The following C1GALT1 variants were observed in gnomAD, a reference collection of about 807,000 sequenced individuals.
The protein encoded by C1GALT1 is glycoprotein-N-acetylgalactosamine 3-beta-galactosyltransferase 1.
In C1GALT1, 11 loss-of-function variants were observed where a neutral mutation model predicts 31.0. That is an observed-to-expected ratio of 0.36 (90% CI 0.22 to 0.59). The LOEUF (loss-of-function observed/expected upper bound fraction) is 0.59, where lower values mean the gene tolerates loss of function less well. Among genes scored for constraint, C1GALT1 ranks in the 20% least tolerant of loss-of-function variants. The pLI, the probability that C1GALT1 is intolerant of heterozygous loss-of-function variation, is 0.79. For missense variants in C1GALT1, 424 were observed against 425.2 expected, an observed-to-expected ratio of 1.00 and a Z score of 0.03; for synonymous variants, 175 against 143.6, an observed-to-expected ratio of 1.22 and a Z score of -1.56.
rs1021990489 is a variant in C1GALT1, at chr7:7,230,283, A to G, written c.-17-4020A>G. ...TTACTGAAATAAATGTTAATACAGAAAAGTATGTAAAATCATAAATGTAGA... is the reference window on the plus strand; with the variant it reads ...TTACTGAAATAAATGTTAATACAGAGAAGTATGTAAAATCATAAATGTAGA... On this transcript the variant is annotated intron_variant, in intron 1 of 3. Coordinates refer to ENST00000436587, the MANE Select transcript of C1GALT1 (RefSeq NM_020156.5). Among the ~76,000 whole-genome samples, 4 of 152,222 alleles carry G rather than the reference A, an allele frequency of 2.6e-5. No homozygotes were observed. In the South Asian group the frequency reaches 8.3e-4, roughly 31 times the overall value.
At chr7:7,194,698 T>G (rs1252131707) in intron 1 of C1GALT1, among the ~76,000 whole-genome samples, 2 of 152,128 alleles carry the variant, frequency 1.3e-5, no homozygotes, top group African/African-American at 2.4e-5. Context: ...TAGAATGAAT[T>G]AGGGAGGGTT....
chr7:7,163,204 G>C (rs1259705636), intron 2 of C1GALT1, among the ~76,000 whole-genome samples: 1 of 152,192 alleles, frequency 6.6e-6, no homozygotes, highest in Non-Finnish European at 1.5e-5. Context: ...CCTATGTCCT[G>C]AATGGTAATG....
intron 2 of C1GALT1, among the ~76,000 whole-genome samples, chr7:7,164,076 G>A (rs1477552832): frequency 6.6e-6 from 1 of 152,104 alleles, no homozygotes; most frequent in Admixed American, 6.6e-5. Flanking sequence ...ATACTACAAG[G>A]CTACAGTGAC....
Position 7,217,487 on chromosome 7 carries a change from C to G in C1GALT1, c.-17-16816C>G, listed in dbSNP as rs778893589. ...AGCTGAGACTACAGGCACATGCCAC[C>G]TGCACCTGGCAGTGGTTAAAATCTT... is the stretch of plus-strand genomic sequence containing the variant. On this transcript the variant is annotated intron_variant, in intron 1 of 3. Transcript: ENST00000436587. 2.0e-5 allele frequency among the ~76,000 whole-genome samples: 3 copies of G among 152,258 alleles called. No individual in the cohort carries two copies. The East Asian group carries it at 5.8e-4, about 29-fold the overall frequency.
intron 1 of C1GALT1, among the ~76,000 whole-genome samples, chr7:7,225,440 G>A (rs909299062): frequency 6.6e-6 from 1 of 152,180 alleles, no homozygotes; most frequent in African/African-American, 2.4e-5. Context: ...TTAGATCTCA[G>A]CTTGGCAGCT....
intron 1 of C1GALT1, chr7:7,183,668 C>T: frequency 2.4e-6 from 2 of 843,936 alleles, no homozygotes. Context: ...CTTACCGTCT[C>T]CCCACCCCCC....
chr7:7,214,739 A>G (rs1782152728), intron 1 of C1GALT1, among the ~76,000 whole-genome samples: 1 of 152,166 alleles, frequency 6.6e-6, no homozygotes, highest in Non-Finnish European at 1.5e-5. Flanking sequence ...TGCCCATCCC[A>G]GGGGTAGGCC....
At chr7:7,200,262 C>T (rs1325056683) in intron 1 of C1GALT1, among the ~76,000 whole-genome samples, 2 of 152,108 alleles carry the variant, frequency 1.3e-5, no homozygotes, top group African/African-American at 2.4e-5. Context: ...TCAGCATTTG[C>T]TTGTGTGTAA....
intron 1 of C1GALT1, among the ~76,000 whole-genome samples, chr7:7,190,327 TAC>T (rs112600145): frequency 0.029 from 4,426 of 152,266 alleles, 127 homozygotes; most frequent in African/African-American, 0.078. Flanking sequence ...AAAATCGCGA[TAC>T]ATGTGGAATG....
At chr7:7,164,681 A>T (rs1252613689) in intron 2 of C1GALT1, among the ~76,000 whole-genome samples, 1 of 152,162 alleles carries the variant, frequency 6.6e-6, no homozygotes, top group Non-Finnish European at 1.5e-5. Context: ...CCTAAAGAGT[A>T]TCACAGGTCA....
chr7:7,182,920 C>G, intron 1 of C1GALT1, 100 bp downstream of exon 1: 1 of 890,824 alleles, frequency 1.1e-6, no homozygotes, highest in Non-Finnish European at 1.3e-6. Context: ...GAGGATGGAA[C>G]CAAACCCCGG....
At position 7,234,523 on chromosome 7, in the gene C1GALT1, T is replaced by G. The variant is rs575865189; in HGVS notation, c.204T>G (p.Asp68Glu). ...HLEGQMNFNA[D>E]SSQHKDENTD... ...AAGGACAAATGAACTTCAATGCAGA[T>G]TCTAGCCAACATAAAGGTATGGTTT... is the stretch of plus-strand genomic sequence containing the variant. The change falls in exon 2 of 4, where the codon GAT becomes GAG. Residue 68 changes from aspartate (D) to glutamate (E), a missense_variant. Transcript: ENST00000436587. The G allele has an allele frequency of 1.8e-5, 29 of 1,610,100 alleles. No individual in the cohort carries two copies. The highest frequency in any genetic ancestry group is 2.4e-5 in the Non-Finnish European group (28 of 1,176,562).
intron 1 of C1GALT1, among the ~76,000 whole-genome samples, chr7:7,229,521 C>T (rs553528090): frequency 2.2e-4 from 34 of 152,208 alleles, no homozygotes; most frequent in African/African-American, 7.9e-4. Flanking sequence ...ATCATGTATA[C>T]TGCTAAAGGA....
chr7:7,158,322 G>T (rs957174071), intron 2 of C1GALT1, among the ~76,000 whole-genome samples: 1 of 152,222 alleles, frequency 6.6e-6, no homozygotes, highest in Middle Eastern at 3.4e-3. Flanking sequence ...CAGCATTCCA[G>T]TATTCCATTA....
chr7:7,166,788 T>C (rs1390280050), intron 2 of C1GALT1, among the ~76,000 whole-genome samples: 1 of 152,210 alleles, frequency 6.6e-6, no homozygotes, highest in African/African-American at 2.4e-5. Context: ...AAACATTAAA[T>C]CAGTAAGGCA....
At chr7:7,218,329 A>G (rs1782346745) in intron 1 of C1GALT1, among the ~76,000 whole-genome samples, 1 of 152,232 alleles carries the variant, frequency 6.6e-6, no homozygotes, top group African/African-American at 2.4e-5. Flanking sequence ...GACCCTGTGT[A>G]CCAAGTTAAG....
rs982647220 is a variant in C1GALT1, at chr7:7,246,392, A to C, written c.*2665A>C. 18 of 152,156 alleles carry C rather than the reference A, an allele frequency of 1.2e-4. No individual in the cohort carries two copies. Among genetic ancestry groups the C allele is most frequent in the Non-Finnish European group, 1.5e-5 (1 of 68,024 alleles). 9.4% of individuals were successfully genotyped at this position (152,156 alleles called of 1,614,324 possible). ...GACGTCTGATGCATTGGCCAGTAAT[A>C]GTCAAATTAACCCAGCCAAATTGTC... On this transcript the variant is annotated 3_prime_UTR_variant, in exon 4 of 4. Transcript: ENST00000436587.
intron 2 of C1GALT1, among the ~76,000 whole-genome samples, chr7:7,171,785 C>A (rs547590191): frequency 2.6e-5 from 4 of 151,954 alleles, no homozygotes; most frequent in African/African-American, 9.7e-5. Flanking sequence ...ATAGCAATTA[C>A]GTTTAATGCC....
intron 1 of C1GALT1, among the ~76,000 whole-genome samples, chr7:7,185,293 T>C (rs565720573): frequency 6.6e-6 from 1 of 152,148 alleles, no homozygotes; most frequent in Non-Finnish European, 1.5e-5. Context: ...TAAAGCACAT[T>C]TAAACGGCTA....
Sources: gnomAD v4.1 joint callset for allele counts (sites outside exome capture counted in the v4.1 genomes callset) on GRCh38, gnomAD v4.1.1 for gene constraint, MANE v1.5 for transcripts, NCBI Gene and HGNC (gene_info 2026-07-23, HGNC 2026-07-21) for gene names.